The following KLF8 variants were observed in gnomAD, a reference collection of about 807,000 sequenced individuals.
KLF8 encodes KLF transcription factor 8.
Under a neutral mutation model 18.2 loss-of-function variants are expected in KLF8, and 10 were observed. That is an observed-to-expected ratio of 0.55 (90% CI 0.34 to 0.93). The LOEUF is 0.93. Ranked by LOEUF, KLF8 falls within the 40% of genes least tolerant of loss-of-function variation. KLF8 has a pLI of 0.02. For missense variants in KLF8, 264 were observed against 277.9 expected, an observed-to-expected ratio of 0.95 and a Z score of 0.36; for synonymous variants, 109 against 97.3, an observed-to-expected ratio of 1.12 and a Z score of -0.71.
chrX:56,058,687 G>A, the KLF8 span, among the ~76,000 whole-genome samples: 9 of 110,138 alleles, frequency 8.2e-5, no homozygotes, highest in Admixed American at 5.8e-4. Flanking sequence ...TGAACTCATC[G>A]TTTTTTATGG....
the KLF8 span, among the ~76,000 whole-genome samples, chrX:55,915,824 CA>C: frequency 2.7e-5 from 3 of 111,805 alleles, no homozygotes; most frequent in Non-Finnish European, 5.6e-5. Context: ...AGCTTAAACA[CA>C]AGAGCAATGT....
At chrX:56,216,287 G>A in the KLF8 span, among the ~76,000 whole-genome samples, 1 of 110,712 alleles carries the variant, frequency 9.0e-6, no homozygotes, top group Non-Finnish European at 1.9e-5. Context: ...CCAAAAATAT[G>A]TTTTCAAAAT....
chrX:56,056,786 A>T, the KLF8 span, among the ~76,000 whole-genome samples: 235 of 101,501 alleles, frequency 2.3e-3, no homozygotes, highest in African/African-American at 8.2e-3. Flanking sequence ...GTACCCTAAA[A>T]CTTAAAGTAT....
At chrX:56,158,331 C>A in the KLF8 span, among the ~76,000 whole-genome samples, 4 of 111,759 alleles carry the variant, frequency 3.6e-5, no homozygotes, top group African/African-American at 1.3e-4. Flanking sequence ...TGTGATGCCT[C>A]CAGCTTTGTT....
At chrX:55,965,060 A>G in the KLF8 span, among the ~76,000 whole-genome samples, 1 of 111,659 alleles carries the variant, frequency 9.0e-6, no homozygotes, top group African/African-American at 3.3e-5. Flanking sequence ...CTATGAGGCC[A>G]GAATCTTTCT....
the KLF8 span, among the ~76,000 whole-genome samples, chrX:56,106,498 C>T: frequency 3.6e-5 from 4 of 112,083 alleles, no homozygotes; most frequent in East Asian, 5.6e-4. Flanking sequence ...TCCATTTGAT[C>T]GAATCAGCTA....
In KLF8 at chrX:56,284,627, A is replaced by C; in HGVS notation, c.*133A>C. The C allele has an allele frequency of 4.3e-6, 2 of 462,228 alleles. No individual in the cohort carries two copies. The highest frequency in any genetic ancestry group is 6.7e-6 in the Non-Finnish European group (2 of 297,209). The allele number at this position is 462,228 out of a possible 1,213,427, so 38.1% of individuals were successfully genotyped here. Reference sequence around the variant, plus strand: ...CAGCCCACTGAGCCAAGTTGAGGAGACTGGAGGAAAAGAGAGCTGGTCTCC... The same window carrying C: ...CAGCCCACTGAGCCAAGTTGAGGAGCCTGGAGGAAAAGAGAGCTGGTCTCC... On this transcript the variant is annotated 3_prime_UTR_variant, in exon 6 of 6. Coordinates refer to ENST00000468660, the MANE Select transcript of KLF8 (RefSeq NM_007250.5).
At chrX:56,090,747 C>T in the KLF8 span, among the ~76,000 whole-genome samples, 1 of 111,358 alleles carries the variant, frequency 9.0e-6, no homozygotes, top group Non-Finnish European at 1.9e-5. Flanking sequence ...ACACTGTACC[C>T]AATACATAAT....
At chrX:56,181,787 G>GCCCC in the KLF8 span, among the ~76,000 whole-genome samples, 5 of 100,975 alleles carry the variant, frequency 5.0e-5, no homozygotes, top group African/African-American at 1.2e-4. Flanking sequence ...GTTGAATATT[G>GCCCC]CTCCCCCCCC....
chrX:56,028,186 C>T, the KLF8 span, among the ~76,000 whole-genome samples: 11 of 112,111 alleles, frequency 9.8e-5, no homozygotes, highest in South Asian at 3.8e-4. Context: ...AGTCCCAGAG[C>T]TGGGACTGAC....
At chrX:55,949,612 G>T in the KLF8 span, among the ~76,000 whole-genome samples, 1 of 94,217 alleles carries the variant, frequency 1.1e-5, no homozygotes. Flanking sequence ...CCAACATGGT[G>T]AAACCCTGTC....
the KLF8 span, among the ~76,000 whole-genome samples, chrX:55,909,346 A>G: frequency 8.9e-6 from 1 of 112,757 alleles, no homozygotes; most frequent in Non-Finnish European, 1.9e-5. Context: ...CAAGTTACAC[A>G]TTAGTTAACT....
the KLF8 span, among the ~76,000 whole-genome samples, chrX:56,073,081 G>A: frequency 9.2e-6 from 1 of 108,876 alleles, no homozygotes; most frequent in Non-Finnish European, 1.9e-5. Context: ...CCGCCTCCCG[G>A]GTTCACGCCA....
chrX:56,173,310 C>T, the KLF8 span, among the ~76,000 whole-genome samples: 1 of 111,920 alleles, frequency 8.9e-6, no homozygotes, highest in Non-Finnish European at 1.9e-5. Context: ...TTTCAGCTTT[C>T]TACATATGGC....
the KLF8 span, among the ~76,000 whole-genome samples, chrX:56,077,127 C>T: frequency 8.9e-6 from 1 of 111,792 alleles, no homozygotes; most frequent in African/African-American, 3.3e-5. Context: ...TTTGGCTGTG[C>T]AGAAGCTATT....
the KLF8 span, among the ~76,000 whole-genome samples, chrX:56,103,502 GCTCT>G: frequency 7.2e-5 from 8 of 111,129 alleles, no homozygotes; most frequent in East Asian, 5.7e-4. Context: ...TCATGATTTG[GCTCT>G]CTATTTGTCT....
At chrX:56,072,409 G>GT in the KLF8 span, among the ~76,000 whole-genome samples, 6 of 111,725 alleles carry the variant, frequency 5.4e-5, no homozygotes, top group South Asian at 3.7e-4. Context: ...CTGAGGATCT[G>GT]TTACCAGTCA....
At chrX:56,144,550 C>T in the KLF8 span, among the ~76,000 whole-genome samples, 2 of 108,269 alleles carry the variant, frequency 1.8e-5, no homozygotes, top group African/African-American at 6.7e-5. Flanking sequence ...GAGTTCAACA[C>T]CAGCCTGGCC....
chrX:56,219,232 G>T, the KLF8 span, among the ~76,000 whole-genome samples: 1 of 112,122 alleles, frequency 8.9e-6, no homozygotes, highest in Non-Finnish European at 1.9e-5. Context: ...TTTAAATTTA[G>T]TAACTTTTGG....
Sources: gnomAD v4.1 joint callset for allele counts (sites outside exome capture counted in the v4.1 genomes callset) on GRCh38, gnomAD v4.1.1 for gene constraint, MANE v1.5 for transcripts, NCBI Gene and HGNC (gene_info 2026-07-23, HGNC 2026-07-21) for gene names.